The following NME9 variants were observed in gnomAD, a reference collection of about 807,000 sequenced individuals.
NME9 encodes thioredoxin domain-containing protein 6.
In NME9, 48 loss-of-function variants were observed where a neutral mutation model predicts 44.4. The ratio of observed to expected loss-of-function variants is 1.08; its 90% CI spans 0.86 to 1.37. The LOEUF (loss-of-function observed/expected upper bound fraction) is 1.37. Ranked by LOEUF, NME9 falls within the 40% of genes most tolerant of loss-of-function variation. The probability of loss-of-function intolerance (pLI) is 0.00; values close to 1 mark genes in which losing one functional copy is unlikely to be tolerated. For missense variants in NME9, 325 were observed against 405.2 expected, an observed-to-expected ratio of 0.80 and a Z score of 1.70; for synonymous variants, 139 against 147.1, an observed-to-expected ratio of 0.94 and a Z score of 0.40.
intron 8 of NME9, among the ~76,000 whole-genome samples, chr3:138,277,475 G>A (rs2049411106): frequency 6.6e-6 from 1 of 152,176 alleles, no homozygotes. Flanking sequence ...CCATCCACCG[G>A]AAGGAATATT....
chr3:138,318,769 C>G (rs2053270466), intron 3 of NME9, among the ~76,000 whole-genome samples: 1 of 152,222 alleles, frequency 6.6e-6, no homozygotes, highest in African/African-American at 2.4e-5. Flanking sequence ...GCACACTTCT[C>G]TGGAATTTAT....
At chr3:138,317,975 A>G (rs1329010653) in intron 4 of NME9, among the ~76,000 whole-genome samples, 173 bp downstream of exon 4, 4 of 152,008 alleles carry the variant, frequency 2.6e-5, no homozygotes, top group Non-Finnish European at 5.9e-5. Flanking sequence ...CCAACATCAT[A>G]AAAATAGACT....
rs1380099003 is a variant in NME9 at position 138,295,782 on chromosome 3, A to G, written c.745+7725T>C. The G allele has an allele frequency of 2.0e-6, 3 of 1,523,596 alleles. No individual in the cohort carries two copies. The African/African-American group carries it at 4.1e-5, about 21-fold the overall frequency. The allele number at this position is 1,523,596 out of a possible 1,614,324, so 94.4% of individuals were successfully genotyped here. On this transcript the variant is annotated intron_variant, in intron 8 of 8. Coordinates refer to the NME9 transcript ENST00000317876. Reference sequence around the variant, plus strand: ...TTTACTTTTTTAGACTTCCCCAGCTATCATCATTGAACCATAGGGTTTTTT... The same window carrying G: ...TTTACTTTTTTAGACTTCCCCAGCTGTCATCATTGAACCATAGGGTTTTTT...
In NME9 at chr3:138,283,485, A is replaced by G. The variant is rs949135753; in HGVS notation, c.745+20022T>C. Among the ~76,000 whole-genome samples, 11 of 152,100 alleles carry G rather than the reference A, an allele frequency of 7.2e-5. 1 individual carries two copies. Among genetic ancestry groups the G allele is most frequent in the Admixed American group, 6.5e-4 (10 of 15,286 alleles). ...CCTTCTCTATTCTCTGTTTACTTCA[A>G]TCACAGTGAAATGTAATTGTTTGTG... is the stretch of plus-strand genomic sequence containing the variant. On this transcript the variant is annotated intron_variant, in intron 8 of 8. Coordinates refer to the NME9 transcript ENST00000317876.
chr3:138,292,792 C>A (rs1363908610), intron 8 of NME9, among the ~76,000 whole-genome samples: 3 of 151,910 alleles, frequency 2.0e-5, no homozygotes, highest in Non-Finnish European at 4.4e-5. Context: ...TCTCTTAGAG[C>A]AAGTAAAAAG....
intron 2 of NME9, among the ~76,000 whole-genome samples, chr3:138,322,532 A>C (rs1162766455): frequency 6.6e-6 from 1 of 150,496 alleles, no homozygotes; most frequent in Non-Finnish European, 1.5e-5. Context: ...CTGTGCATGC[A>C]CGTGTAGGTC....
In NME9 at chr3:138,306,007, T is replaced by C. The variant is rs772295907; in HGVS notation, c.633A>G (p.Gly211=). 2 of 1,604,814 alleles carry C rather than the reference T, an allele frequency of 1.2e-6. No homozygotes were observed. Among genetic ancestry groups the C allele is most frequent in the African/African-American group, 1.3e-5 (1 of 74,778 alleles). Residue 211 remains glycine (G), a synonymous_variant, in exon 8 of 11, where the codon GGA becomes GGG. Coordinates refer to ENST00000333911, the MANE Select transcript of NME9 (RefSeq NM_001349018.2). The stretch of plus-strand genomic sequence containing the variant: ...TTGTGGAAGTAGATGAGCTGACCTC[T>C]CCAGCTTTGTGTTGGTAGAAAAGTC... ...EVRLFYQHKA[G]EEAFEKLVHH...
intron 10 of NME9, 136 bp from the exon 11 acceptor site, chr3:138,301,840 T>G (rs2051871060): frequency 1.6e-6 from 1 of 634,520 alleles, no homozygotes; most frequent in African/African-American, 1.8e-5. Flanking sequence ...TGATACGTGT[T>G]AGGGACCAGG....
chr3:138,313,559 C>A (rs1201522516), intron 6 of NME9, among the ~76,000 whole-genome samples: 1 of 152,026 alleles, frequency 6.6e-6, no homozygotes, highest in African/African-American at 2.4e-5. Context: ...TCCAACAATC[C>A]CACTACTATG....
At chr3:138,299,533 G>C (rs1457737963), downstream of NME9, among the ~76,000 whole-genome samples, 2 of 152,084 alleles carry the variant, frequency 1.3e-5, no homozygotes, top group East Asian at 1.9e-4. Flanking sequence ...GCTGATATTT[G>C]AGCCACTCTC....
intron 6 of NME9, among the ~76,000 whole-genome samples, chr3:138,312,875 C>T (rs2052796042): frequency 6.6e-6 from 1 of 152,084 alleles, no homozygotes; most frequent in African/African-American, 2.4e-5. Context: ...GGATTAATAA[C>T]CAGAATATAT....
chr3:138,329,717 C>A lies in NME9; in HGVS notation c.-382G>T. The A allele has an allele frequency of 9.0e-7, 1 of 1,105,954 alleles. No homozygotes were observed. Among genetic ancestry groups the A allele is most frequent in the Non-Finnish European group, 1.1e-6 (1 of 905,406 alleles). The allele number at this position is 1,105,954 out of a possible 1,614,324, so 68.5% of individuals were successfully genotyped here. ...TCGAGGAATTCTGACAAAAAAACGA[C>A]ATGGGACCCTGTTATCCCTGCTGTT... On this transcript the variant is annotated 5_prime_UTR_variant, in exon 1 of 11. An upstream start codon of the reference 5' UTR is lost. Transcript: ENST00000333911.
chr3:138,304,058 A>G (rs1289768532), intron 9 of NME9, among the ~76,000 whole-genome samples: 2 of 152,202 alleles, frequency 1.3e-5, no homozygotes, highest in Admixed American at 6.5e-5. Flanking sequence ...TAATATTGCT[A>G]TGATTTCCTG....
Position 138,303,630 on chromosome 3 carries a change from A to T in NME9, c.805T>A (p.Tyr269Asn). ...GCATTGAAGGGCATTTCTGTGCCGT[A>T]CTGAGCTCGGAGACTGGGAACATTG... ...REQPESLRAQ[Y>N]GTEMPFNAVH... Residue 269 changes from tyrosine (Y) to asparagine (N), a missense_variant, in exon 10 of 11, where the codon TAC (tyrosine) becomes AAC (asparagine). Coordinates refer to ENST00000333911, the MANE Select transcript of NME9 (RefSeq NM_001349018.2). The T allele has an allele frequency of 1.9e-6, 3 of 1,608,762 alleles. No individual in the cohort carries two copies. The highest frequency in any genetic ancestry group is 2.6e-6 in the Non-Finnish European group (3 of 1,175,648).
chr3:138,316,829 G>C (rs997304107), intron 4 of NME9, among the ~76,000 whole-genome samples: 1 of 152,108 alleles, frequency 6.6e-6, no homozygotes, highest in Non-Finnish European at 1.5e-5. Context: ...TGGCCAGGCT[G>C]GTCTCAAACT....
intron 8 of NME9, among the ~76,000 whole-genome samples, chr3:138,265,478 G>A (rs918503371): frequency 6.6e-6 from 1 of 152,106 alleles, no homozygotes; most frequent in Non-Finnish European, 1.5e-5. Context: ...AAGCCTTCAA[G>A]TACAGTGAGC....
At chr3:138,285,346 A>G (rs2050304099) in intron 8 of NME9, among the ~76,000 whole-genome samples, 1 of 152,218 alleles carries the variant, frequency 6.6e-6, no homozygotes, top group African/African-American at 2.4e-5. Context: ...TATACCTTGA[A>G]TAAAGTTCGT....
At chr3:138,309,700 C>A (rs181958203) in intron 6 of NME9, among the ~76,000 whole-genome samples, 8 of 151,790 alleles carry the variant, frequency 5.3e-5, no homozygotes, top group Non-Finnish European at 2.9e-5. Flanking sequence ...TGCCACTGCA[C>A]TCCAGCCTGG....
chr3:138,271,939 G>T (rs2048842419), intron 8 of NME9, among the ~76,000 whole-genome samples: 1 of 151,934 alleles, frequency 6.6e-6, no homozygotes, highest in Non-Finnish European at 1.5e-5. Flanking sequence ...GGGATTACAG[G>T]CGTGTGCCAC....
Sources: allele counts gnomAD v4.1 joint callset (sites outside exome capture counted in the v4.1 genomes callset), GRCh38; gene constraint gnomAD v4.1.1; transcripts MANE v1.5; gene names NCBI Gene and HGNC (gene_info 2026-07-23, HGNC 2026-07-21).